MTMR2: variants seen among roughly 807,000 people sequenced by gnomAD.
The protein encoded by MTMR2 is phosphatidylinositol-3,5-bisphosphate 3-phosphatase MTMR2.
In MTMR2, 55 loss-of-function variants were observed where a neutral mutation model predicts 86.9. The ratio of observed to expected loss-of-function variants is 0.63; its 90% CI spans 0.51 to 0.79. The LOEUF (loss-of-function observed/expected upper bound fraction) is 0.79. Among genes scored for constraint, MTMR2 ranks in the 30% least tolerant of loss-of-function variants. MTMR2 has a pLI of 0.00. For missense variants in MTMR2, 659 were observed against 772.3 expected, an observed-to-expected ratio of 0.85 and a Z score of 1.74; for synonymous variants, 241 against 266.8, an observed-to-expected ratio of 0.90 and a Z score of 0.94.
At chr11:95,864,395 T>C (rs1284387317) in intron 3 of MTMR2, among the ~76,000 whole-genome samples, 3 of 152,102 alleles carry the variant, frequency 2.0e-5, no homozygotes, top group Non-Finnish European at 2.9e-5. Flanking sequence ...TATTTCATAA[T>C]GGGAGCTGCA....
At chr11:95,861,288 T>C (rs937147003) in intron 5 of MTMR2, among the ~76,000 whole-genome samples, 3 of 151,318 alleles carry the variant, frequency 2.0e-5, no homozygotes, top group Admixed American at 6.6e-5. Flanking sequence ...AATTTGTAAA[T>C]TAAAGGTAGT....
Position 95,923,871 on chromosome 11 carries a change from T to G in MTMR2, c.80+4A>C. On this transcript the variant is annotated splice_donor_region_variant and intron_variant, in intron 1 of 14. Coordinates refer to ENST00000346299, the MANE Select transcript of MTMR2 (RefSeq NM_016156.6). Reference sequence around the variant, plus strand: ...CTGGGCGGGGCCCTGGGCGTCCTGGTTACCTGGACAAGGAGTCCACGCTGG... The same window carrying G: ...CTGGGCGGGGCCCTGGGCGTCCTGGGTACCTGGACAAGGAGTCCACGCTGG... 6.4e-7 allele frequency: 1 copy of G among 1,552,846 alleles called. No individual in the cohort carries two copies.
At chr11:95,848,825 T>A (rs1863902528) in intron 9 of MTMR2, among the ~76,000 whole-genome samples, 1 of 152,304 alleles carries the variant, frequency 6.6e-6, no homozygotes, top group African/African-American at 2.4e-5. Context: ...GGCACAATTA[T>A]AGAATTTACA....
At chr11:95,849,634 T>G (rs1863936973) in intron 9 of MTMR2, 40 bp downstream of exon 9, 4 of 1,590,706 alleles carry the variant, frequency 2.5e-6, no homozygotes, top group African/African-American at 1.3e-5. Context: ...CTCAGCTGAT[T>G]CATGAAACCA....
chr11:95,909,525 C>G lies in MTMR2; in HGVS notation c.80+14350G>C, dbSNP rs144382206. On this transcript the variant is annotated intron_variant, in intron 1 of 14. Transcript: ENST00000346299. Reference sequence around the variant, plus strand: ...TCCAAATATTCCACACCTCAAAACACCAACTTAGCTTCCTCGGAAGGATGG... The same window carrying G: ...TCCAAATATTCCACACCTCAAAACAGCAACTTAGCTTCCTCGGAAGGATGG... Among the ~76,000 whole-genome samples the G allele has an allele frequency of 7.4e-4, 113 of 152,268 alleles. 1 individual carries two copies. Among genetic ancestry groups the G allele is most frequent in the Middle Eastern group, 6.8e-3 (2 of 294 alleles).
At chr11:95,910,215 A>C (rs536361443) in intron 1 of MTMR2, among the ~76,000 whole-genome samples, 1 of 151,792 alleles carries the variant, frequency 6.6e-6, no homozygotes, top group Non-Finnish European at 1.5e-5. Context: ...AACCAATTTC[A>C]CCACCAGTAT....
At chr11:95,911,414 A>G (rs1866500877) in intron 1 of MTMR2, among the ~76,000 whole-genome samples, 1 of 152,214 alleles carries the variant, frequency 6.6e-6, no homozygotes, top group Non-Finnish European at 1.5e-5. Context: ...TTATTGGGAA[A>G]TTTAAATAAA....
At position 95,835,448 on chromosome 11, in the gene MTMR2, G is replaced by C; in HGVS notation, c.1774C>G (p.Pro592Ala). Residue 592 changes from proline to alanine, a missense_variant, in exon 15 of 15, where the codon CCT becomes GCT. Coordinates refer to ENST00000346299, the MANE Select transcript of MTMR2 (RefSeq NM_016156.6). ...AGTTCTTTGTATCTGTTGTGAATAG[G>C]TTCCTGCAAGAGCAAAACATAAAAT... The part of the protein sequence containing the change: ...RWNPRMKPQE[P>A]IHNRYKELLA... 6.2e-7 allele frequency: 1 copy of C among 1,612,190 alleles called. No homozygotes were observed. Among genetic ancestry groups the C allele is most frequent in the South Asian group, 1.1e-5 (1 of 91,014 alleles).
At chr11:95,865,790 T>C (rs1864593346) in intron 2 of MTMR2, 114 bp from the exon 3 acceptor site, 1 of 818,304 alleles carries the variant, frequency 1.2e-6, no homozygotes, top group Non-Finnish European at 2.0e-6. Context: ...TCACATACAC[T>C]ATTTTAAATC....
At chr11:95,847,567 C>T (rs999449991) in intron 10 of MTMR2, 147 bp downstream of exon 10, 5 of 742,472 alleles carry the variant, frequency 6.7e-6, no homozygotes, top group Non-Finnish European at 1.2e-5. Flanking sequence ...CATTAAAATT[C>T]ACTAGTAGTT....
At chr11:95,841,755 T>C (rs1565346217) in intron 11 of MTMR2, 46 bp from the exon 12 acceptor site, 2 of 1,399,634 alleles carry the variant, frequency 1.4e-6, no homozygotes, top group Non-Finnish European at 2.0e-6. Context: ...GGATTTTTCA[T>C]GTTTTGATGG....
At chr11:95,858,877 C>T (rs949512805) in intron 5 of MTMR2, among the ~76,000 whole-genome samples, 1 of 152,098 alleles carries the variant, frequency 6.6e-6, no homozygotes, top group Non-Finnish European at 1.5e-5. Context: ...TGCTTATGGA[C>T]TCAAAATAGG....
chr11:95,852,045 AAATC>A (rs1864041362), intron 7 of MTMR2, among the ~76,000 whole-genome samples: 1 of 152,236 alleles, frequency 6.6e-6, no homozygotes, highest in Non-Finnish European at 1.5e-5. Context: ...GGACTTAAGA[AAATC>A]TATCTTAAAT....
intron 1 of MTMR2, among the ~76,000 whole-genome samples, chr11:95,920,308 T>C (rs1866868253): frequency 6.6e-6 from 1 of 151,698 alleles, no homozygotes. Flanking sequence ...ACAACTATTG[T>C]TTTTTTTGTT....
rs611020 is a variant in MTMR2, at chr11:95,834,741, C to T, written c.*549G>A. 0.28 allele frequency: 44,267 copies of T among 160,084 alleles called. 7,403 individuals are homozygous for T. The highest frequency in any genetic ancestry group is 0.38 in the Non-Finnish European group (27,275 of 72,118). 9.9% of individuals were successfully genotyped at this position (160,084 alleles called of 1,614,324 possible). A position where few individuals can be genotyped will look rare whatever the true frequency, so the allele number is the denominator to read the frequency against. On this transcript the variant is annotated 3_prime_UTR_variant, in exon 15 of 15. Coordinates refer to ENST00000346299, the MANE Select transcript of MTMR2 (RefSeq NM_016156.6). ...TACTACCACACCGTAGTATCTTCAA[C>T]ACTTTGCCTTTTACTATATGAAGAA...
chr11:95,845,237 A>ATC, intron 10 of MTMR2, 78 bp from the exon 11 acceptor site: 4 of 1,165,008 alleles, frequency 3.4e-6, no homozygotes, highest in Non-Finnish European at 5.0e-6. Context: ...AATACAGCTT[A>ATC]TCAGGGATCA....
chr11:95,892,551 C>T (rs1865749570), intron 1 of MTMR2, among the ~76,000 whole-genome samples: 1 of 152,146 alleles, frequency 6.6e-6, no homozygotes, highest in Non-Finnish European at 1.5e-5. Flanking sequence ...AGTCTCTAAC[C>T]TCATTAAGTA....
chr11:95,923,456 G>C (rs1249468016), intron 1 of MTMR2, among the ~76,000 whole-genome samples: 3 of 152,000 alleles, frequency 2.0e-5, no homozygotes, highest in Admixed American at 6.6e-5. Context: ...AAAAACCAAA[G>C]ACATAAGAAG....
chr11:95,842,799 C>T (rs970386358), intron 11 of MTMR2, among the ~76,000 whole-genome samples: 1 of 152,210 alleles, frequency 6.6e-6, no homozygotes, highest in Non-Finnish European at 1.5e-5. Context: ...AAACTGCATT[C>T]GTACCCACTG....
Sources: gnomAD v4.1 joint callset for allele counts (sites outside exome capture counted in the v4.1 genomes callset) on GRCh38, gnomAD v4.1.1 for gene constraint, MANE v1.5 for transcripts, NCBI Gene and HGNC (gene_info 2026-07-23, HGNC 2026-07-21) for gene names.